Variants in ITCH observed in about 807,000 individuals in gnomAD.
The protein encoded by ITCH is itchy E3 ubiquitin protein ligase, also known as E3 ubiquitin-protein ligase Itchy homolog.
ITCH carries 28 observed loss-of-function variants against 126.8 expected under a neutral mutation model. That is an observed-to-expected ratio of 0.22 (90% CI 0.16 to 0.30). The LOEUF is 0.30. ITCH is among the 10% of genes least tolerant of loss of function. The pLI is 1.00. For missense variants in ITCH, 631 were observed against 1,032.4 expected, an observed-to-expected ratio of 0.61 and a Z score of 5.33; for synonymous variants, 342 against 340.0, an observed-to-expected ratio of 1.01 and a Z score of -0.06.
rs12373887 is a variant in ITCH, at chr20:34,458,500, A to G, written c.1295+1026A>G. On this transcript the variant is annotated intron_variant, in intron 13 of 24. Transcript: ENST00000374864. ...ATGGTTTATCTTTGTAACATGTTATAATAGTATGCATATTAGTTTGCTAGG... is the reference window on the plus strand; with the variant it reads ...ATGGTTTATCTTTGTAACATGTTATGATAGTATGCATATTAGTTTGCTAGG... Among the ~76,000 whole-genome samples the G allele has an allele frequency of 2.0e-5, 3 of 152,204 alleles. No individual in the cohort carries two copies. In the South Asian group the frequency reaches 6.2e-4, roughly 32 times the overall value.
At chr20:34,507,306 G>GTTT (rs1600522599) in intron 24 of ITCH, among the ~76,000 whole-genome samples, 1 of 45,212 alleles carries the variant, frequency 2.2e-5, no homozygotes, top group African/African-American at 9.0e-5. Context: ...TGTTGTTGTT[G>GTTT]TTTTGGTGTT....
At chr20:34,477,347 A>C (rs542763862) in intron 16 of ITCH, among the ~76,000 whole-genome samples, 1 of 152,154 alleles carries the variant, frequency 6.6e-6, no homozygotes, top group Non-Finnish European at 1.5e-5. Flanking sequence ...CCTGGCCAAC[A>C]TGGCAAAACC....
At chr20:34,428,757 T>A (rs546506075) in intron 7 of ITCH, among the ~76,000 whole-genome samples, 1 of 152,194 alleles carries the variant, frequency 6.6e-6, no homozygotes, top group African/African-American at 2.4e-5. Context: ...TTTGAACATT[T>A]ATGACCTGAT....
At chr20:34,503,153 A>G (rs7263134) in intron 23 of ITCH, among the ~76,000 whole-genome samples, 3,423 of 152,312 alleles carry the variant, frequency 0.022, 110 homozygotes, top group African/African-American at 0.078. Context: ...TACTTGTGAA[A>G]ACAATTCAGT....
intron 23 of ITCH, 134 bp from the exon 24 acceptor site, chr20:34,504,197 G>A: frequency 1.4e-6 from 1 of 725,092 alleles, no homozygotes; most frequent in Non-Finnish European, 2.5e-6. Flanking sequence ...TTCTGAATTA[G>A]TAAGATGATG....
In ITCH at chr20:34,507,263, G is replaced by GTTTTTTTT. The variant is rs776161631; in HGVS notation, c.2490-413_2490-406dup. ...TCCTTTTCAACTCTTGTTTTCTTCT[G>GTTTTTTTT]TTTTTTTTTTTTTTTTTTTTTTTTT... On this transcript the variant is annotated intron_variant, in intron 24 of 24. Transcript: ENST00000374864. Among the ~76,000 whole-genome samples the GTTTTTTTT allele has an allele frequency of 7.5e-3, 293 of 39,004 alleles. 1 individual carries two copies. The highest frequency in any genetic ancestry group is 8.9e-3 in the Non-Finnish European group (183 of 20,520). The allele number at this position is 39,004 out of a possible 152,430, so 25.6% of individuals were successfully genotyped here.
chr20:34,497,140 G>A (rs1989941281), intron 23 of ITCH, among the ~76,000 whole-genome samples: 1 of 151,912 alleles, frequency 6.6e-6, no homozygotes, highest in South Asian at 2.1e-4. Flanking sequence ...GGGATTGCAG[G>A]CACGCACCAC....
chr20:34,506,201 C>T (rs1301352741), intron 24 of ITCH, among the ~76,000 whole-genome samples: 5 of 152,100 alleles, frequency 3.3e-5, no homozygotes, highest in African/African-American at 4.8e-5. Flanking sequence ...GTAGCTGGGA[C>T]GACAGGCATG....
rs534323851 is a variant in ITCH at position 34,510,243 on chromosome 20, C to G, written c.*2449C>G. The G allele has an allele frequency of 1.0e-4, 16 of 152,512 alleles. No individual in the cohort carries two copies. Among genetic ancestry groups the G allele is most frequent in the South Asian group, 2.1e-4 (1 of 4,824 alleles). The allele number at this position is 152,512 out of a possible 1,614,324, so 9.4% of individuals were successfully genotyped here. A position where few individuals can be genotyped will look rare whatever the true frequency, so the allele number is the denominator to read the frequency against. ...AATGGGGGCTGGATATCCCAAGAAT[C>G]AGAGGTTATATAAAAATACTGCAAA... On this transcript the variant is annotated 3_prime_UTR_variant, in exon 25 of 25. Coordinates refer to ENST00000374864, the MANE Select transcript of ITCH (RefSeq NM_031483.7).
At chr20:34,406,535 C>CT (rs758567140) in intron 3 of ITCH, among the ~76,000 whole-genome samples, 2,404 of 139,036 alleles carry the variant, frequency 0.017, 32 homozygotes, top group African/African-American at 0.035. Flanking sequence ...GCTGCTGCTT[C>CT]TTTTTTTTTT....
chr20:34,388,303 T>G (rs1309324726), intron 2 of ITCH, among the ~76,000 whole-genome samples: 1 of 152,196 alleles, frequency 6.6e-6, no homozygotes, highest in East Asian at 1.9e-4. Context: ...CTCACTGTAT[T>G]GCCCAGGCTG....
chr20:34,448,155 C>G (rs921097359), intron 11 of ITCH, among the ~76,000 whole-genome samples: 1 of 152,038 alleles, frequency 6.6e-6, no homozygotes, highest in African/African-American at 2.4e-5. Context: ...TTTGGGAGGC[C>G]GAGGCGGGTG....
intron 23 of ITCH, among the ~76,000 whole-genome samples, chr20:34,499,099 C>G (rs1205110794): frequency 6.6e-6 from 1 of 151,234 alleles, no homozygotes; most frequent in South Asian, 2.1e-4. Context: ...CTCAGCCTCC[C>G]GAGTAACTGG....
chr20:34,456,499 G>C (rs1986010103), intron 12 of ITCH, among the ~76,000 whole-genome samples: 1 of 148,414 alleles, frequency 6.7e-6, no homozygotes, highest in Non-Finnish European at 1.5e-5. Flanking sequence ...AAAAAGCTTA[G>C]TTTCTAAAAA....
At chr20:34,407,090 C>T (rs1353988582) in intron 3 of ITCH, among the ~76,000 whole-genome samples, 1 of 151,770 alleles carries the variant, frequency 6.6e-6, no homozygotes, top group Admixed American at 6.6e-5. Flanking sequence ...GGGGCCTGGA[C>T]AAAGCTATTT....
At chr20:34,506,994 C>T (rs1017496349) in intron 24 of ITCH, among the ~76,000 whole-genome samples, 28 of 152,204 alleles carry the variant, frequency 1.8e-4, no homozygotes, top group African/African-American at 6.3e-4. Context: ...AGATTATTTC[C>T]ACCTTTTGGC....
intron 6 of ITCH, among the ~76,000 whole-genome samples, chr20:34,415,335 G>A (rs1334978536): frequency 6.6e-6 from 1 of 151,940 alleles, no homozygotes; most frequent in Non-Finnish European, 1.5e-5. Context: ...GAGGCAGGAG[G>A]GTTACTTGAG....
chr20:34,380,112 C>G (rs532681757), intron 2 of ITCH, among the ~76,000 whole-genome samples: 3 of 151,734 alleles, frequency 2.0e-5, no homozygotes, highest in East Asian at 3.9e-4. Context: ...TGACCAGGAT[C>G]GTCTCAATCT....
At chr20:34,431,877 TA>T (rs2146253731) in intron 7 of ITCH, among the ~76,000 whole-genome samples, 1 of 152,000 alleles carries the variant, frequency 6.6e-6, no homozygotes, top group South Asian at 2.1e-4. Context: ...CCATCTCTAC[TA>T]AAAATACAGA....
Sources: gnomAD v4.1 joint callset for allele counts (sites outside exome capture counted in the v4.1 genomes callset) on GRCh38, gnomAD v4.1.1 for gene constraint, MANE v1.5 for transcripts, NCBI Gene and HGNC (gene_info 2026-07-23, HGNC 2026-07-21) for gene names.